The following ASXL3 variants were observed in gnomAD, a reference collection of about 807,000 sequenced individuals.
ASXL3 encodes putative Polycomb group protein ASXL3.
Under a neutral mutation model 170.6 loss-of-function variants are expected in ASXL3, and 34 were observed. The observed-to-expected ratio is 0.20, with a 90% CI of 0.15 to 0.27. ASXL3 has a LOEUF of 0.27. ASXL3 is among the 10% of genes least tolerant of loss of function. The probability of loss-of-function intolerance (pLI) is 1.00; values close to 1 mark genes in which losing one functional copy is unlikely to be tolerated. For missense variants in ASXL3, 2,592 were observed against 2,695.3 expected (o/e 0.96, Z 0.85); for synonymous variants, 1,002 against 989.1 (o/e 1.01, Z -0.24).
intron 8 of ASXL3, among the ~76,000 whole-genome samples, chr18:33,716,995 A>G (rs1486336185): frequency 1.3e-5 from 2 of 151,778 alleles, no homozygotes; most frequent in Non-Finnish European, 2.9e-5. Context: ...GTATCTGTTC[A>G]TCTCACAGTG....
At position 33,578,780 on chromosome 18, in the gene ASXL3, C is replaced by G. The variant is rs967605957; in HGVS notation, c.54+95C>G. The stretch of plus-strand genomic sequence containing the variant: ...GGCGGCGGAGACGGCCACTTCCAGC[C>G]CGAGCCGCCGCCCGCTCGCCGGGCT... On this transcript the variant is annotated intron_variant, in intron 1 of 11. Coordinates refer to ENST00000269197, the MANE Select transcript of ASXL3 (RefSeq NM_030632.3). The G allele has an allele frequency of 7.7e-6, 6 of 779,656 alleles. No homozygotes were observed. In the African/African-American group the frequency reaches 9.4e-5, roughly 12 times the overall value. The allele number at this position is 779,656 out of a possible 1,614,324, so 48.3% of individuals were successfully genotyped here. A position where few individuals can be genotyped will look rare whatever the true frequency, so the allele number is the denominator to read the frequency against.
chr18:33,661,577 A>G, intron 4 of ASXL3, 39 bp from the exon 5 acceptor site: 1 of 1,564,552 alleles, frequency 6.4e-7, no homozygotes, highest in Non-Finnish European at 8.7e-7. Context: ...TAAAAAAGGA[A>G]TTCAAATTAG....
intron 1 of ASXL3, among the ~76,000 whole-genome samples, chr18:33,580,720 G>A (rs943749254): frequency 1.3e-5 from 2 of 152,166 alleles, no homozygotes; most frequent in South Asian, 2.1e-4. Flanking sequence ...TTTTCCTCTC[G>A]AAAAGTTCGT....
Position 33,744,054 on chromosome 18 carries a change from G to T in ASXL3, c.4206G>T (p.Ala1402=), listed in dbSNP as rs370800117. ...CCCTCAGCTGCAGTGATTCTGTAGC[G>T]GTCACAGACTCTCTGGTTGCACACC... is the stretch of plus-strand genomic sequence containing the variant. ...RAALSCSDSV[A]VTDSLVAHPT... Residue 1402 remains alanine, a synonymous_variant, in exon 12 of 12, where the codon GCG becomes GCT. Transcript: ENST00000269197. 141 of 1,613,962 alleles carry T rather than the reference G, an allele frequency of 8.7e-5. No homozygotes were observed. Among genetic ancestry groups the T allele is most frequent in the Non-Finnish European group, 1.1e-4 (132 of 1,179,904 alleles).
chr18:33,617,920 T>C (rs979639713), intron 2 of ASXL3, among the ~76,000 whole-genome samples: 1 of 152,140 alleles, frequency 6.6e-6, no homozygotes, highest in Non-Finnish European at 1.5e-5. Context: ...TGATTTTATT[T>C]AATTTTTTTT....
At chr18:33,581,261 C>T (rs1309972034) in intron 1 of ASXL3, among the ~76,000 whole-genome samples, 1 of 151,970 alleles carries the variant, frequency 6.6e-6, no homozygotes, top group African/African-American at 2.4e-5. Context: ...GATGATTTTG[C>T]TGTTGTTGTT....
chr18:33,648,009 A>G (rs567031886), intron 4 of ASXL3, among the ~76,000 whole-genome samples: 3 of 152,156 alleles, frequency 2.0e-5, no homozygotes, highest in African/African-American at 7.2e-5. Context: ...CAGAGATAGC[A>G]AGAGGCTGGT....
chr18:33,584,265 G>T (rs966089410), intron 1 of ASXL3, among the ~76,000 whole-genome samples: 9 of 152,002 alleles, frequency 5.9e-5, no homozygotes, highest in South Asian at 2.1e-4. Flanking sequence ...GAAGACTTGG[G>T]GGGGCATAGG....
At chr18:33,683,658 A>C in intron 8 of ASXL3, 90 bp downstream of exon 8, 1 of 1,261,136 alleles carries the variant, frequency 7.9e-7, no homozygotes, top group Non-Finnish European at 1.1e-6. Context: ...TTATATATGG[A>C]TATAGTAATT....
intron 1 of ASXL3, among the ~76,000 whole-genome samples, chr18:33,607,242 A>G (rs1395892926): frequency 2.0e-5 from 3 of 151,998 alleles, no homozygotes; most frequent in Non-Finnish European, 4.4e-5. Context: ...CTTAGGAAAC[A>G]TTTTAACAGC....
intron 1 of ASXL3, among the ~76,000 whole-genome samples, chr18:33,594,516 C>G (rs912675146): frequency 6.6e-6 from 1 of 152,142 alleles, no homozygotes; most frequent in Admixed American, 6.5e-5. Flanking sequence ...CCATTGACTT[C>G]TCAAAGAGAT....
chr18:33,646,278 T>C lies in ASXL3; in HGVS notation c.280T>C (p.Leu94=), dbSNP rs759231455. Residue 94 remains leucine (L), a synonymous_variant, in exon 4 of 12, where the codon TTG becomes CTG. Coordinates refer to ENST00000269197, the MANE Select transcript of ASXL3 (RefSeq NM_030632.3). Reference sequence around the variant, plus strand: ...GTCGTCATGCCCAGCAGATGGCACGTTGGATTTAGTCTGTGAATCTGAATT... The same window carrying C: ...GTCGTCATGCCCAGCAGATGGCACGCTGGATTTAGTCTGTGAATCTGAATT... ...EESSCPADGT[L]DLVCESELDG... is the part of the protein sequence containing the mutation. 1.2e-6 allele frequency: 2 copies of C among 1,611,496 alleles called. No individual in the cohort carries two copies. Among genetic ancestry groups the C allele is most frequent in the Non-Finnish European group, 8.5e-7 (1 of 1,178,176 alleles).
In ASXL3 at chr18:33,746,204, G is replaced by A. The variant is rs750115341; in HGVS notation, c.6356G>A (p.Ser2119Asn). ...CAGTTAAAAGCATTCGCGCTAAAAAGTGCAGATTTCTCTTCCTATTTGCTT... is the reference window on the plus strand; with the variant it reads ...CAGTTAAAAGCATTCGCGCTAAAAAATGCAGATTTCTCTTCCTATTTGCTT... ...KEQLKAFALK[S>N]ADFSSYLLSE... Residue 2119 changes from serine to asparagine, a missense_variant, in exon 12 of 12, where the codon AGT (serine) becomes AAT (asparagine). Physicochemically the swap from Ser to Asn is conservative, Grantham distance 46 (BLOSUM62 1). This residue lies in a region of ASXL3 where 2,246 missense variants were observed against 2,219.6 expected (regional missense o/e 1.01). Coordinates refer to ENST00000269197, the MANE Select transcript of ASXL3 (RefSeq NM_030632.3). 1.2e-6 allele frequency: 2 copies of A among 1,613,754 alleles called. No homozygotes were observed. Among genetic ancestry groups the A allele is most frequent in the African/African-American group, 2.7e-5 (2 of 74,892 alleles).
intron 8 of ASXL3, among the ~76,000 whole-genome samples, chr18:33,704,116 T>A (rs1461325247): frequency 3.9e-5 from 6 of 152,174 alleles, no homozygotes; most frequent in Non-Finnish European, 5.9e-5. Context: ...GTATGCATAT[T>A]TCAATATGTG....
intron 8 of ASXL3, among the ~76,000 whole-genome samples, chr18:33,683,914 C>A (rs1325219003): frequency 6.6e-6 from 1 of 152,052 alleles, no homozygotes; most frequent in East Asian, 1.9e-4. Flanking sequence ...CAATAAAAAG[C>A]CAGGGTTTCT....
At chr18:33,689,186 G>T (rs951857148) in intron 8 of ASXL3, among the ~76,000 whole-genome samples, 3 of 152,096 alleles carry the variant, frequency 2.0e-5, no homozygotes, top group Non-Finnish European at 4.4e-5. Context: ...TAGAGATGGG[G>T]TTTCGCCATG....
At chr18:33,691,133 A>G (rs190303080) in intron 8 of ASXL3, among the ~76,000 whole-genome samples, 8 of 152,296 alleles carry the variant, frequency 5.3e-5, no homozygotes, top group Admixed American at 2.6e-4. Context: ...AGTCACAGCA[A>G]TGGATTGAAT....
Position 33,745,833 on chromosome 18 carries a change from C to T in ASXL3, c.5985C>T (p.Pro1995=), listed in dbSNP as rs547996263. The change falls in exon 12 of 12, where the codon CCC becomes CCT. Residue 1995 remains proline, a synonymous_variant. Coordinates refer to ENST00000269197, the MANE Select transcript of ASXL3 (RefSeq NM_030632.3). ...CCAACATGTTATCCCCCAATATGCCCATGAAAGAAGGTGATGAGGTGGGAG... is the reference window on the plus strand; with the variant it reads ...CCAACATGTTATCCCCCAATATGCCTATGAAAGAAGGTGATGAGGTGGGAG... ...RLANMLSPNM[P]MKEGDEVGGT... 3.2e-5 allele frequency: 51 copies of T among 1,613,976 alleles called. No individual in the cohort carries two copies. In the East Asian group the frequency reaches 1.1e-3, roughly 34 times the overall value.
chr18:33,701,689 C>T (rs2066876762), intron 8 of ASXL3, among the ~76,000 whole-genome samples: 3 of 151,964 alleles, frequency 2.0e-5, no homozygotes, highest in Admixed American at 2.0e-4. Flanking sequence ...GCATTTTTAC[C>T]AGAATGTGTC....
Sources: allele counts gnomAD v4.1 joint callset (sites outside exome capture counted in the v4.1 genomes callset), GRCh38; gene constraint gnomAD v4.1.1; regional missense constraint gnomAD v4.1.1; transcripts MANE v1.5; gene names NCBI Gene and HGNC (gene_info 2026-07-23, HGNC 2026-07-21).